The following XKR6 variants were observed in gnomAD, a reference collection of about 807,000 sequenced individuals.
The protein encoded by XKR6 is XK related 6.
A neutral mutation model predicts 56.7 loss-of-function variants in XKR6; 22 were observed. That is an observed-to-expected ratio of 0.39 (90% CI 0.28 to 0.55). XKR6 has a LOEUF of 0.55. XKR6 is among the 20% of genes least tolerant of loss of function. The probability of loss-of-function intolerance (pLI) is 0.66; values close to 1 mark genes in which losing one functional copy is unlikely to be tolerated. For synonymous variants in XKR6, 524 were observed against 387.8 expected (o/e 1.35, Z -4.13); for missense variants, 852 against 889.0 (o/e 0.96, Z 0.53).
intron 1 of XKR6, among the ~76,000 whole-genome samples, chr8:10,933,105 G>A (rs938320417): frequency 1.3e-5 from 2 of 151,406 alleles, no homozygotes; most frequent in African/African-American, 4.9e-5. Flanking sequence ...GGTGTGAGAT[G>A]ATATCTCATA....
In XKR6 at chr8:10,924,728, C is replaced by A; in HGVS notation, c.867G>T (p.Met289Ile). 6.2e-7 allele frequency: 1 copy of A among 1,613,904 alleles called. No individual in the cohort carries two copies. The highest frequency in any genetic ancestry group is 8.5e-7 in the Non-Finnish European group (1 of 1,180,002). ...AMMYEYADVNMLRLLETFLES... is the reference protein window; with the variant it reads ...AMMYEYADVNILRLLETFLES... Reference sequence around the variant, plus strand: ...CCAGGAAGGTCTCCAGGAGGCGCAGCATGTTGACGTCTGCATATTCATACA... The same window carrying A: ...CCAGGAAGGTCTCCAGGAGGCGCAGAATGTTGACGTCTGCATATTCATACA... Residue 289 changes from methionine (M) to isoleucine (I), a missense_variant, in exon 2 of 3, where the codon ATG (methionine) becomes ATT (isoleucine). Physicochemically the swap from Met to Ile is conservative, Grantham distance 10. Transcript: ENST00000416569.
intron 1 of XKR6, among the ~76,000 whole-genome samples, chr8:11,185,987 T>G (rs771836560): frequency 1.2e-4 from 19 of 152,232 alleles, no homozygotes; most frequent in Admixed American, 2.6e-4. Flanking sequence ...AGACTAAGAA[T>G]GCTTTTTATA....
At chr8:10,939,022 C>G (rs566643300) in intron 1 of XKR6, among the ~76,000 whole-genome samples, 1 of 152,296 alleles carries the variant, frequency 6.6e-6, no homozygotes, top group South Asian at 2.1e-4. Flanking sequence ...CCATCTGTCC[C>G]CGAACACTAT....
chr8:11,141,454 A>G (rs1010646820), intron 1 of XKR6, among the ~76,000 whole-genome samples: 85 of 152,340 alleles, frequency 5.6e-4, no homozygotes, highest in African/African-American at 2.0e-3. Context: ...GAAAGCCAGG[A>G]TTCTCAGTGT....
chr8:10,932,649 C>A (rs985162167), intron 1 of XKR6, among the ~76,000 whole-genome samples: 3 of 135,224 alleles, frequency 2.2e-5, no homozygotes, highest in Admixed American at 2.2e-4. Context: ...CTGTTCAATT[C>A]CCACCTATGA....
intron 1 of XKR6, among the ~76,000 whole-genome samples, chr8:11,103,563 G>A (rs927870739): frequency 6.6e-6 from 1 of 152,200 alleles, no homozygotes; most frequent in South Asian, 2.1e-4. Context: ...ATTCTGTGAT[G>A]TGGGTTTCTA....
chr8:10,928,691 A>C (rs1586316963), intron 1 of XKR6, among the ~76,000 whole-genome samples: 1 of 152,186 alleles, frequency 6.6e-6, no homozygotes, highest in Non-Finnish European at 1.5e-5. Context: ...CTCTTCTGCC[A>C]GGGCGCGGAG....
At chr8:11,039,408 T>C (rs145391375) in intron 1 of XKR6, among the ~76,000 whole-genome samples, 180 of 152,356 alleles carry the variant, frequency 1.2e-3, no homozygotes, top group African/African-American at 4.2e-3. Flanking sequence ...CAGCCATGGT[T>C]AGGCCAAGGC....
intron 1 of XKR6, among the ~76,000 whole-genome samples, chr8:11,102,553 G>GAGAAATGT (rs1476620002): frequency 6.6e-6 from 1 of 152,150 alleles, no homozygotes; most frequent in Non-Finnish European, 1.5e-5. Flanking sequence ...ACCAATTGTT[G>GAGAAATGT]AGAAATGTGA....
chr8:11,180,132 C>T (rs891450632), intron 1 of XKR6, among the ~76,000 whole-genome samples: 17 of 151,738 alleles, frequency 1.1e-4, no homozygotes, highest in African/African-American at 3.9e-4. Context: ...AGACTGAGAC[C>T]CTGTCTCAAA....
At chr8:11,174,053 A>G (rs1353592793) in intron 1 of XKR6, among the ~76,000 whole-genome samples, 1 of 152,164 alleles carries the variant, frequency 6.6e-6, no homozygotes, top group Non-Finnish European at 1.5e-5. Context: ...TCCTTTGTAC[A>G]TTTGCTTTAA....
chr8:11,105,156 ATATGCTAATATT>A (rs1412763456), intron 1 of XKR6: 1 of 152,180 alleles, frequency 6.6e-6, no homozygotes, highest in Non-Finnish European at 1.5e-5. Context: ...CTGAGACTGA[ATATGCTAATATT>A]TATTGCACGG....
intron 1 of XKR6, among the ~76,000 whole-genome samples, chr8:10,970,823 C>A (rs1355288147): frequency 1.4e-5 from 2 of 142,168 alleles, no homozygotes; most frequent in Non-Finnish European, 3.0e-5. Context: ...AAAAAAAAAA[C>A]CTCTGTATCA....
chr8:11,021,908 T>C (rs2129148857), intron 1 of XKR6, among the ~76,000 whole-genome samples: 1 of 151,988 alleles, frequency 6.6e-6, no homozygotes, highest in Non-Finnish European at 1.5e-5. Flanking sequence ...CCTTCCTACT[T>C]TCCTCCCACC....
chr8:11,183,675 T>C (rs1803114823), intron 1 of XKR6, among the ~76,000 whole-genome samples: 1 of 152,288 alleles, frequency 6.6e-6, no homozygotes, highest in East Asian at 1.9e-4. Context: ...CTAGTCAAAA[T>C]AAACTACAAT....
intron 1 of XKR6, among the ~76,000 whole-genome samples, chr8:11,127,375 TTA>T (rs1281100613): frequency 6.6e-6 from 1 of 152,238 alleles, no homozygotes; most frequent in African/African-American, 2.4e-5. Context: ...AATTTCAGTA[TTA>T]GTTTCACTAT....
At chr8:11,063,968 A>G (rs753551292) in intron 1 of XKR6, among the ~76,000 whole-genome samples, 53 of 152,210 alleles carry the variant, frequency 3.5e-4, no homozygotes, top group Non-Finnish European at 6.9e-4. Flanking sequence ...GGGTCTGACA[A>G]AAAGCTTACT....
chr8:11,133,156 C>T (rs1800199197), intron 1 of XKR6, among the ~76,000 whole-genome samples: 1 of 152,064 alleles, frequency 6.6e-6, no homozygotes, highest in African/African-American at 2.4e-5. Context: ...GGAATTGAAA[C>T]CTAAACGCAC....
At chr8:10,984,289 G>A (rs537767639) in intron 1 of XKR6, among the ~76,000 whole-genome samples, 2 of 152,210 alleles carry the variant, frequency 1.3e-5, no homozygotes, top group Non-Finnish European at 2.9e-5. Context: ...ACTCTTTATT[G>A]TAAAACATAA....
Sources: gnomAD v4.1 joint callset for allele counts (sites outside exome capture counted in the v4.1 genomes callset) on GRCh38, gnomAD v4.1.1 for gene constraint, MANE v1.5 for transcripts, NCBI Gene and HGNC (gene_info 2026-07-23, HGNC 2026-07-21) for gene names.